The following RGSL1 variants were observed in gnomAD, a reference collection of about 807,000 sequenced individuals.
RGSL1 encodes regulator of G protein signaling like 1, also known as regulator of G protein signaling protein-like.
RGSL1 carries 97 observed loss-of-function variants against 124.7 expected under a neutral mutation model. The ratio of observed to expected loss-of-function variants is 0.78; its 90% CI spans 0.66 to 0.92. The LOEUF is 0.92. Among genes scored for constraint, RGSL1 ranks in the 40% least tolerant of loss-of-function variants. RGSL1 has a pLI of 0.00. For missense variants in RGSL1, 1,233 were observed against 1,288.4 expected (o/e 0.96, Z 0.66); for synonymous variants, 424 against 438.1 (o/e 0.97, Z 0.40).
chr1:182,497,301 GTA>G (rs1655996439), intron 9 of RGSL1, among the ~76,000 whole-genome samples: 1 of 147,110 alleles, frequency 6.8e-6, no homozygotes, highest in Non-Finnish European at 1.5e-5. Flanking sequence ...GTGTGTCTGT[GTA>G]TCTTTTTCAG....
At position 182,548,691 on chromosome 1, in the gene RGSL1, T is replaced by C. The variant is rs1463963605; in HGVS notation, c.2809-9T>C. The C allele has an allele frequency of 6.4e-6, 10 of 1,551,388 alleles. No individual in the cohort carries two copies. The highest frequency in any genetic ancestry group is 7.8e-6 in the Non-Finnish European group (9 of 1,146,908). ...CTCTGCCAGTGACAGGCTCCCACTC[T>C]GTGGGTAGGTGAATGTCCCTGAGTT... is the stretch of plus-strand genomic sequence containing the variant. On this transcript the variant is annotated splice_polypyrimidine_tract_variant and intron_variant, in intron 16 of 21. Transcript: ENST00000294854.
intron 8 of RGSL1, among the ~76,000 whole-genome samples, chr1:182,491,968 G>C (rs1358026285): frequency 6.6e-6 from 1 of 151,838 alleles, no homozygotes; most frequent in African/African-American, 2.4e-5. Context: ...ATACAAAAAG[G>C]TATTCCCTCT....
intron 9 of RGSL1, among the ~76,000 whole-genome samples, chr1:182,511,128 G>A (rs1192511103): frequency 6.6e-6 from 1 of 151,960 alleles, no homozygotes; most frequent in Non-Finnish European, 1.5e-5. Context: ...GAGAGATAGA[G>A]GTCTAGTTTC....
chr1:182,491,094 C>T (rs1441771516), intron 8 of RGSL1, among the ~76,000 whole-genome samples: 1 of 151,108 alleles, frequency 6.6e-6, no homozygotes, highest in Non-Finnish European at 1.5e-5. Context: ...TGCCATGTTG[C>T]CCAGGCTAGG....
intron 6 of RGSL1, among the ~76,000 whole-genome samples, chr1:182,476,579 A>C (rs942108181): frequency 1.3e-5 from 2 of 152,186 alleles, no homozygotes; most frequent in Non-Finnish European, 2.9e-5. Flanking sequence ...GCCCCTCATC[A>C]ACTCATTTAC....
At chr1:182,488,372 G>A in intron 7 of RGSL1, 25 bp downstream of exon 7, 1 of 1,526,902 alleles carries the variant, frequency 6.5e-7, no homozygotes. Flanking sequence ...GGGTTAGGAA[G>A]GAATCATGAG....
intron 1 of RGSL1, chr1:182,450,475 G>A: frequency 2.2e-6 from 1 of 458,100 alleles, no homozygotes; most frequent in Non-Finnish European, 4.0e-6. Flanking sequence ...TGGGGTTTGA[G>A]ATTATGCAGT....
intron 9 of RGSL1, among the ~76,000 whole-genome samples, chr1:182,516,677 G>A (rs1046209934): frequency 1.4e-5 from 2 of 147,682 alleles, no homozygotes; most frequent in African/African-American, 5.0e-5. Flanking sequence ...ATTTTATAAA[G>A]AAGTTAATCT....
rs943364808 is a variant in RGSL1 at position 182,548,939 on chromosome 1, A to G, written c.2933+115A>G. 12 of 1,301,748 alleles carry G rather than the reference A, an allele frequency of 9.2e-6. No individual in the cohort carries two copies. In the African/African-American group the frequency reaches 1.5e-4, roughly 16 times the overall value. 80.6% of individuals were successfully genotyped at this position (1,301,748 alleles called of 1,614,324 possible). ...TCGTAGTTTCCAGTTTCTAGGGGGA[A>G]CTAAGATGGTGTTTTCAAAATCCTA... On this transcript the variant is annotated intron_variant, in intron 17 of 21. Coordinates refer to ENST00000294854, the MANE Select transcript of RGSL1 (RefSeq NM_001137669.2).
intron 20 of RGSL1, chr1:182,555,710 G>A (rs1660826396): frequency 5.6e-6 from 2 of 356,064 alleles, no homozygotes; most frequent in South Asian, 6.7e-5. Context: ...CACTTCTCAG[G>A]CCTGTTTCCA....
intron 4 of RGSL1, among the ~76,000 whole-genome samples, chr1:182,465,100 A>G (rs75604016): frequency 0.014 from 2,104 of 146,612 alleles, 56 homozygotes; most frequent in African/African-American, 0.051. Context: ...TAATAAAGTG[A>G]AAGTGGGGAC....
intron 9 of RGSL1, among the ~76,000 whole-genome samples, chr1:182,494,203 C>A (rs750534380): frequency 7.9e-5 from 12 of 152,198 alleles, no homozygotes; most frequent in Non-Finnish European, 1.5e-4. Context: ...AGTGAATTGT[C>A]CAGTATCTGC....
intron 18 of RGSL1, 100 bp from the exon 19 acceptor site, chr1:182,553,355 C>T: frequency 1.2e-6 from 1 of 805,940 alleles, no homozygotes; most frequent in Non-Finnish European, 2.0e-6. Flanking sequence ...ATTTTGTAAT[C>T]TAAGTGTGTT....
intron 12 of RGSL1, 123 bp downstream of exon 12, chr1:182,530,484 T>C: frequency 3.8e-6 from 3 of 796,412 alleles, no homozygotes; most frequent in Non-Finnish European, 5.9e-6. Context: ...CTCTACAAAA[T>C]AAAAATTCAA....
At chr1:182,513,318 A>C (rs1657606691) in intron 9 of RGSL1, among the ~76,000 whole-genome samples, 1 of 152,260 alleles carries the variant, frequency 6.6e-6, no homozygotes, top group Admixed American at 6.5e-5. Context: ...AGCCATCTTC[A>C]GAGGCTCTGG....
intron 4 of RGSL1, among the ~76,000 whole-genome samples, chr1:182,467,214 G>C (rs1653411741): frequency 6.6e-6 from 1 of 152,122 alleles, no homozygotes; most frequent in Non-Finnish European, 1.5e-5. Context: ...TAGATTCAAT[G>C]CCATCCCCAT....
At chr1:182,526,970 T>C (rs549565469) in intron 10 of RGSL1, among the ~76,000 whole-genome samples, 1 of 152,210 alleles carries the variant, frequency 6.6e-6, no homozygotes, top group African/African-American at 2.4e-5. Flanking sequence ...AACTATAACA[T>C]AAAGATGAGG....
At chr1:182,536,538 T>C (rs573955298) in intron 14 of RGSL1, among the ~76,000 whole-genome samples, 1 of 152,328 alleles carries the variant, frequency 6.6e-6, no homozygotes, top group South Asian at 2.1e-4. Context: ...TTTTATTTTG[T>C]CTGATGACTA....
chr1:182,482,513 C>T (rs1245523232), intron 6 of RGSL1, among the ~76,000 whole-genome samples: 1 of 152,160 alleles, frequency 6.6e-6, no homozygotes, highest in Non-Finnish European at 1.5e-5. Context: ...ATGTAGATAA[C>T]CCTAAAATTA....
Sources: gnomAD v4.1 joint callset for allele counts (sites outside exome capture counted in the v4.1 genomes callset) on GRCh38, gnomAD v4.1.1 for gene constraint, MANE v1.5 for transcripts, NCBI Gene and HGNC (gene_info 2026-07-23, HGNC 2026-07-21) for gene names.